The following HS3ST4 variants were observed in gnomAD, a reference collection of about 807,000 sequenced individuals.
HS3ST4 encodes heparan sulfate-glucosamine 3-sulfotransferase 4.
HS3ST4 carries 17 observed loss-of-function variants against 29.2 expected under a neutral mutation model. The ratio of observed to expected loss-of-function variants is 0.58; its 90% CI spans 0.40 to 0.87. The LOEUF (loss-of-function observed/expected upper bound fraction) is 0.87. HS3ST4 is among the 40% of genes least tolerant of loss of function. The pLI is 0.00. For missense variants in HS3ST4, 627 were observed against 634.5 expected (o/e 0.99, Z 0.13); for synonymous variants, 314 against 285.7 (o/e 1.10, Z -1.00).
At chr16:25,730,610 TTC>T (rs1229768922) in intron 1 of HS3ST4, among the ~76,000 whole-genome samples, 3 of 136,166 alleles carry the variant, frequency 2.2e-5, no homozygotes, top group Non-Finnish European at 4.7e-5. Flanking sequence ...CCTTCTTTCC[TTC>T]TCTTTTCCTT....
chr16:26,071,791 T>A (rs968550406), intron 1 of HS3ST4, among the ~76,000 whole-genome samples: 1 of 152,084 alleles, frequency 6.6e-6, no homozygotes, highest in African/African-American at 2.4e-5. Context: ...ATCAGACTTG[T>A]TTCAATTTTG....
intron 1 of HS3ST4, among the ~76,000 whole-genome samples, chr16:25,716,668 T>C (rs1018606230): frequency 6.6e-6 from 1 of 152,250 alleles, no homozygotes; most frequent in African/African-American, 2.4e-5. Context: ...GCCTTCTCTG[T>C]TCCAGGCATC....
intron 1 of HS3ST4, among the ~76,000 whole-genome samples, chr16:26,058,140 A>AAGCTAT (rs1173510628): frequency 6.6e-6 from 1 of 152,220 alleles, no homozygotes; most frequent in Non-Finnish European, 1.5e-5. Context: ...CATGTTCTCC[A>AAGCTAT]AGCTATGTAA....
At chr16:26,027,775 G>A (rs1969490159) in intron 1 of HS3ST4, among the ~76,000 whole-genome samples, 1 of 152,158 alleles carries the variant, frequency 6.6e-6, no homozygotes, top group African/African-American at 2.4e-5. Flanking sequence ...AACAGAAGAA[G>A]AAACTGAGGC....
In HS3ST4 at chr16:26,020,551, C is replaced by A. The variant is rs571085866; in HGVS notation, c.735-115061C>A. Among the ~76,000 whole-genome samples, 23 of 152,340 alleles carry A rather than the reference C, an allele frequency of 1.5e-4. No homozygotes were observed. In the South Asian group the frequency reaches 4.6e-3, roughly 30 times the overall value. On this transcript the variant is annotated intron_variant, in intron 1 of 1. Coordinates refer to ENST00000331351, the MANE Select transcript of HS3ST4 (RefSeq NM_006040.3). ...CATCAGAATCATCTGCAGGGCTTCA[C>A]AAACACAGTTTGTTGAAACTGCATG...
intron 1 of HS3ST4, among the ~76,000 whole-genome samples, chr16:25,948,103 G>C (rs1183090005): frequency 6.6e-6 from 1 of 152,100 alleles, no homozygotes; most frequent in Non-Finnish European, 1.5e-5. Flanking sequence ...AGGCAATGAG[G>C]TACGTACACC....
intron 1 of HS3ST4, among the ~76,000 whole-genome samples, chr16:26,062,445 T>G (rs2141771655): frequency 6.6e-6 from 1 of 152,300 alleles, no homozygotes; most frequent in South Asian, 2.1e-4. Context: ...GATAACATAT[T>G]GGGTGCTGTC....
chr16:26,106,498 T>C (rs968146877), intron 1 of HS3ST4, among the ~76,000 whole-genome samples: 1 of 152,174 alleles, frequency 6.6e-6, no homozygotes, highest in Non-Finnish European at 1.5e-5. Context: ...AAGAGGAGCA[T>C]GTTCAAGGAC....
intron 1 of HS3ST4, among the ~76,000 whole-genome samples, chr16:25,991,219 T>G (rs1335706258): frequency 6.6e-6 from 1 of 152,238 alleles, no homozygotes; most frequent in East Asian, 1.9e-4. Flanking sequence ...TGTGTTTATA[T>G]GCAGGATACT....
At chr16:25,864,216 G>C (rs922356238) in intron 1 of HS3ST4, among the ~76,000 whole-genome samples, 1 of 152,186 alleles carries the variant, frequency 6.6e-6, no homozygotes. Flanking sequence ...TATTTACGGT[G>C]TGCAACATGA....
chr16:26,030,911 G>T (rs1271503763), intron 1 of HS3ST4, among the ~76,000 whole-genome samples: 3 of 152,190 alleles, frequency 2.0e-5, no homozygotes, highest in Non-Finnish European at 4.4e-5. Flanking sequence ...CAAAGAACAT[G>T]AACTCCATAA....
At chr16:25,887,447 C>T (rs2141666945) in intron 1 of HS3ST4, among the ~76,000 whole-genome samples, 1 of 152,224 alleles carries the variant, frequency 6.6e-6, no homozygotes, top group East Asian at 1.9e-4. Flanking sequence ...CCCCCACCCT[C>T]TTAGTCAATG....
At chr16:25,912,393 C>T (rs777220581) in intron 1 of HS3ST4, among the ~76,000 whole-genome samples, 4 of 152,050 alleles carry the variant, frequency 2.6e-5, no homozygotes, top group Non-Finnish European at 5.9e-5. Flanking sequence ...GACTTTTTAC[C>T]CCATTTCTGC....
chr16:26,048,380 C>T (rs1898294483), intron 1 of HS3ST4, among the ~76,000 whole-genome samples: 1 of 152,228 alleles, frequency 6.6e-6, no homozygotes. Flanking sequence ...TATAGCACAA[C>T]TCTTGGAATG....
chr16:25,981,234 G>T (rs1435970709), intron 1 of HS3ST4, among the ~76,000 whole-genome samples: 1 of 152,016 alleles, frequency 6.6e-6, no homozygotes, highest in African/African-American at 2.4e-5. Flanking sequence ...ACGCTTGCCT[G>T]TAATCTCACA....
At chr16:26,037,966 C>T (rs572472146) in intron 1 of HS3ST4, among the ~76,000 whole-genome samples, 2 of 152,314 alleles carry the variant, frequency 1.3e-5, no homozygotes, top group African/African-American at 4.8e-5. Context: ...GATCAGGCCA[C>T]TTGCCGGGTC....
chr16:25,988,195 G>A lies in HS3ST4; in HGVS notation c.735-147417G>A, dbSNP rs372134450. ...GAGCAGAGAGGTGGCAGCTGGGCCC[G>A]CTCACATCCTATTAACCTTGTCTGT... On this transcript the variant is annotated intron_variant, in intron 1 of 1. Coordinates refer to ENST00000331351, the MANE Select transcript of HS3ST4 (RefSeq NM_006040.3). Among the ~76,000 whole-genome samples, 15 of 152,304 alleles carry A rather than the reference G, an allele frequency of 9.8e-5. No homozygotes were observed. In the South Asian group the frequency reaches 2.1e-3, roughly 21 times the overall value.
intron 1 of HS3ST4, among the ~76,000 whole-genome samples, chr16:25,877,055 T>A (rs1005174133): frequency 1.3e-5 from 2 of 152,032 alleles, no homozygotes; most frequent in African/African-American, 4.8e-5. Flanking sequence ...TGAAAGGATG[T>A]CATCCTAGAT....
At chr16:25,912,403 CT>C (rs1282608080) in intron 1 of HS3ST4, among the ~76,000 whole-genome samples, 1 of 152,202 alleles carries the variant, frequency 6.6e-6, no homozygotes, top group Admixed American at 6.5e-5. Context: ...CCCATTTCTG[CT>C]GGCTAACCCT....
Sources: gnomAD v4.1 joint callset for allele counts (sites outside exome capture counted in the v4.1 genomes callset) on GRCh38, gnomAD v4.1.1 for gene constraint, MANE v1.5 for transcripts, NCBI Gene and HGNC (gene_info 2026-07-23, HGNC 2026-07-21) for gene names.